MPDZ: variants seen among roughly 807,000 people sequenced by gnomAD.
MPDZ encodes multiple PDZ domain protein.
Under a neutral mutation model 239.1 loss-of-function variants are expected in MPDZ, and 234 were observed. The observed-to-expected ratio is 0.98, with a 90% CI of 0.88 to 1.09. The LOEUF (loss-of-function observed/expected upper bound fraction) is 1.09. Among genes scored for constraint, MPDZ ranks in the 50% least tolerant of loss-of-function variants. The pLI, the probability that MPDZ is intolerant of heterozygous loss-of-function variation, is 0.00. For missense variants in MPDZ, 3,175 were observed against 2,510.0 expected, an observed-to-expected ratio of 1.26 and a Z score of -5.66; for synonymous variants, 1,048 against 881.3, an observed-to-expected ratio of 1.19 and a Z score of -3.35.
intron 21 of MPDZ, 102 bp downstream of exon 21, chr9:13,175,650 T>C (rs764487212): frequency 6.2e-5 from 75 of 1,209,828 alleles, no homozygotes; most frequent in Non-Finnish European, 8.7e-5. Flanking sequence ...CTACCATCTG[T>C]TCTCTTATCT....
intron 29 of MPDZ, 30 bp from the exon 30 acceptor site, chr9:13,136,833 C>T: frequency 2.2e-6 from 3 of 1,391,964 alleles, no homozygotes; most frequent in Non-Finnish European, 3.0e-6. Flanking sequence ...TTAGTTGGGC[C>T]TGAAATCTTA....
At chr9:13,108,305 C>A (rs979018806) in intron 46 of MPDZ, among the ~76,000 whole-genome samples, 1 of 152,010 alleles carries the variant, frequency 6.6e-6, no homozygotes, top group Non-Finnish European at 1.5e-5. Context: ...ACCAGTACTG[C>A]AATATCTTTA....
chr9:13,132,604 T>G lies in MPDZ; in HGVS notation c.4464+1220A>C, dbSNP rs12003572. Among the ~76,000 whole-genome samples, 1,231 of 152,308 alleles carry G rather than the reference T, an allele frequency of 8.1e-3. 10 individuals are homozygous for G. Among genetic ancestry groups the G allele is most frequent in the African/African-American group, 0.027 (1,112 of 41,574 alleles). On this transcript the variant is annotated intron_variant, in intron 32 of 46. Coordinates refer to ENST00000319217, the MANE Select transcript of MPDZ (RefSeq NM_001378778.1). ...AACTCTATACCAGCTTATTCATTCC[T>G]AATTATTAAAACAATAATAATAGCA...
At chr9:13,179,586 C>A (rs1953001311) in intron 19 of MPDZ, among the ~76,000 whole-genome samples, 1 of 152,026 alleles carries the variant, frequency 6.6e-6, no homozygotes, top group Admixed American at 6.6e-5. Flanking sequence ...TCTTGTGGAT[C>A]TAAAAGAAAA....
At chr9:13,135,977 C>A (rs1488089849) in intron 31 of MPDZ, 115 bp downstream of exon 31, 46 of 692,382 alleles carry the variant, frequency 6.6e-5, no homozygotes, top group Non-Finnish European at 1.5e-5. Flanking sequence ...AAGGCCAAGG[C>A]TATAACTTAT....
At chr9:13,190,668 G>C (rs554524428) in intron 15 of MPDZ, among the ~76,000 whole-genome samples, 101 of 152,092 alleles carry the variant, frequency 6.6e-4, no homozygotes, top group African/African-American at 2.4e-3. Context: ...GAATTCTTAT[G>C]ATAAATAAAA....
intron 17 of MPDZ, among the ~76,000 whole-genome samples, chr9:13,188,205 C>T (rs1356977935): frequency 6.6e-6 from 1 of 152,090 alleles, no homozygotes; most frequent in African/African-American, 2.4e-5. Flanking sequence ...TTGCATTAAT[C>T]ATGACCTTAT....
intron 43 of MPDZ, 45 bp from the exon 44 acceptor site, chr9:13,110,785 G>A (rs769686477): frequency 1.4e-6 from 2 of 1,447,062 alleles, no homozygotes; most frequent in South Asian, 1.2e-5. Flanking sequence ...AGCAGCCATG[G>A]AGAGTGGGTC....
intron 7 of MPDZ, among the ~76,000 whole-genome samples, chr9:13,220,043 TC>T (rs1958899840): frequency 6.6e-6 from 1 of 152,040 alleles, no homozygotes; most frequent in Non-Finnish European, 1.5e-5. Flanking sequence ...TATGAACTTT[TC>T]ACTTTGATTT....
At chr9:13,109,631 T>G (rs373793439) in intron 45 of MPDZ, among the ~76,000 whole-genome samples, 2 of 152,158 alleles carry the variant, frequency 1.3e-5, no homozygotes, top group African/African-American at 2.4e-5. Context: ...AATGATAGAT[T>G]TGACTTGCTC....
At chr9:13,159,306 T>C (rs1177977867) in intron 23 of MPDZ, among the ~76,000 whole-genome samples, 2 of 152,152 alleles carry the variant, frequency 1.3e-5, no homozygotes, top group African/African-American at 2.4e-5. Context: ...GTCCTACCCA[T>C]TGGTTTTGTG....
chr9:13,260,433 T>C (rs539409871), intron 1 of MPDZ, among the ~76,000 whole-genome samples: 4 of 152,280 alleles, frequency 2.6e-5, no homozygotes, highest in African/African-American at 7.2e-5. Context: ...ATGGTAATAC[T>C]ACAAGGAACA....
intron 3 of MPDZ, among the ~76,000 whole-genome samples, chr9:13,230,163 T>C (rs1360544295): frequency 1.3e-5 from 2 of 152,066 alleles, no homozygotes; most frequent in East Asian, 3.9e-4. Flanking sequence ...ATCAGAATGG[T>C]GAGGATGTAG....
In MPDZ at chr9:13,197,997, T is replaced by G. The variant is rs182076086; in HGVS notation, c.1547-1767A>C. The stretch of plus-strand genomic sequence containing the variant: ...ACACTTTCTTCATCCATTCTCCTGT[T>G]GATCGGCACTTAGGTTGCTTCCATA... On this transcript the variant is annotated intron_variant, in intron 12 of 46. Coordinates refer to ENST00000319217, the MANE Select transcript of MPDZ (RefSeq NM_001378778.1). Among the ~76,000 whole-genome samples the G allele has an allele frequency of 3.9e-5, 6 of 152,286 alleles. No homozygotes were observed. In the East Asian group the frequency reaches 1.2e-3, roughly 29 times the overall value.
intron 3 of MPDZ, among the ~76,000 whole-genome samples, chr9:13,242,988 T>A (rs1050734048): frequency 5.3e-5 from 8 of 152,212 alleles, no homozygotes; most frequent in Admixed American, 4.6e-4. Context: ...AATCCTGTTG[T>A]GAACTGCTCT....
intron 3 of MPDZ, among the ~76,000 whole-genome samples, chr9:13,239,854 T>C (rs1209903267): frequency 1.3e-5 from 2 of 152,162 alleles, no homozygotes; most frequent in Non-Finnish European, 2.9e-5. Context: ...ATGTAGCATA[T>C]ACCACAGTCT....
intron 24 of MPDZ, among the ~76,000 whole-genome samples, chr9:13,155,599 T>C (rs1949720280): frequency 6.6e-6 from 1 of 152,120 alleles, no homozygotes; most frequent in Admixed American, 6.6e-5. Flanking sequence ...ATATCAATTG[T>C]GTAAAATGAA....
intron 21 of MPDZ, among the ~76,000 whole-genome samples, chr9:13,170,463 A>T (rs530920855): frequency 5.9e-5 from 9 of 152,200 alleles, no homozygotes; most frequent in African/African-American, 1.9e-4. Context: ...CCATAAAACA[A>T]TAAGATACCG....
chr9:13,155,144 G>A (rs576237157), intron 24 of MPDZ, among the ~76,000 whole-genome samples: 1 of 150,216 alleles, frequency 6.7e-6, no homozygotes, highest in East Asian at 2.0e-4. Context: ...CTCTAACCTG[G>A]GAGGCAGAGG....
Sources: allele counts gnomAD v4.1 joint callset (sites outside exome capture counted in the v4.1 genomes callset), GRCh38; gene constraint gnomAD v4.1.1; transcripts MANE v1.5; gene names NCBI Gene and HGNC (gene_info 2026-07-23, HGNC 2026-07-21).